Variants in TTC39B observed in about 807,000 individuals in gnomAD.
TTC39B encodes tetratricopeptide repeat protein 39B.
A neutral mutation model predicts 96.6 loss-of-function variants in TTC39B; 92 were observed. The observed-to-expected ratio is 0.95, with a 90% CI of 0.80 to 1.13. TTC39B has a LOEUF of 1.13. TTC39B is among the 50% of genes most tolerant of loss of function. The pLI is 0.00. For missense variants in TTC39B, 955 were observed against 809.3 expected (o/e 1.18, Z -2.18); for synonymous variants, 367 against 299.4 (o/e 1.23, Z -2.33).
intron 9 of TTC39B, among the ~76,000 whole-genome samples, chr9:15,191,538 G>C (rs1818857488): frequency 6.6e-6 from 1 of 152,178 alleles, no homozygotes; most frequent in Admixed American, 6.5e-5. Context: ...GTGACAAGAA[G>C]GTAACCCCTC....
chr9:15,203,981 A>T (rs1819696471), intron 6 of TTC39B, 91 bp from the exon 7 acceptor site: 1 of 1,210,704 alleles, frequency 8.3e-7, no homozygotes. Flanking sequence ...AGAAAAATGA[A>T]CCCAAGAGAG....
chr9:15,179,880 A>C (rs1043652122), intron 17 of TTC39B, among the ~76,000 whole-genome samples: 7 of 152,212 alleles, frequency 4.6e-5, no homozygotes, highest in Non-Finnish European at 1.5e-5. Context: ...ACTGGGTTCA[A>C]AAATACTATA....
chr9:15,200,516 G>C (rs1159058348), intron 7 of TTC39B, among the ~76,000 whole-genome samples: 1 of 152,184 alleles, frequency 6.6e-6, no homozygotes, highest in Non-Finnish European at 1.5e-5. Flanking sequence ...TTATCTGATT[G>C]TCATCGACCA....
exon 20 of TTC39B, chr9:15,169,264 G>A (rs998453950): frequency 6.6e-6 from 1 of 152,060 alleles, no homozygotes; most frequent in African/African-American, 2.4e-5. Context: ...TATATAACTT[G>A]GAAACTTCTT....
chr9:15,292,595 G>T (rs1438896246), intron 1 of TTC39B, among the ~76,000 whole-genome samples: 4 of 152,086 alleles, frequency 2.6e-5, no homozygotes, highest in Non-Finnish European at 5.9e-5. Flanking sequence ...TTCAGAAGAC[G>T]GCATTGTTGT....
exon 20 of TTC39B, chr9:15,167,580 C>T (rs1484962985): frequency 6.6e-6 from 1 of 152,068 alleles, no homozygotes; most frequent in East Asian, 1.9e-4. Context: ...TGGAGAAACC[C>T]CATCTCTACT....
At chr9:15,266,505 C>T (rs1823135988) in intron 2 of TTC39B, among the ~76,000 whole-genome samples, 1 of 152,042 alleles carries the variant, frequency 6.6e-6, no homozygotes, top group African/African-American at 2.4e-5. Context: ...AAGTAGGTAT[C>T]ATTTAAGTTG....
chr9:15,292,788 T>C (rs924613701), intron 1 of TTC39B, among the ~76,000 whole-genome samples: 1 of 152,230 alleles, frequency 6.6e-6, no homozygotes, highest in Non-Finnish European at 1.5e-5. Flanking sequence ...AAAGAAAATA[T>C]TTTGTATAGC....
chr9:15,262,966 G>A (rs951559191), intron 2 of TTC39B, among the ~76,000 whole-genome samples: 1 of 152,204 alleles, frequency 6.6e-6, no homozygotes, highest in Admixed American at 6.5e-5. Context: ...GAGGAAATGT[G>A]AGAAATATTG....
At chr9:15,185,791 C>T (rs4317675) in intron 15 of TTC39B, among the ~76,000 whole-genome samples, 101,248 of 151,690 alleles carry the variant, frequency 0.67, 34,743 homozygotes, top group East Asian at 0.9. Context: ...TATTTACTTA[C>T]GTTGTGGATA....
At position 15,273,065 on chromosome 9, in the gene TTC39B, G is replaced by C. The variant is rs147843359; in HGVS notation, c.241-5117C>G. On this transcript the variant is annotated intron_variant, in intron 1 of 19. Transcript: ENST00000512701. ...AAACAATTTCCATCTTAACTCGCTA[G>C]CTTTGTCATATTCTGAGTAGCAAAA... is the stretch of plus-strand genomic sequence containing the variant. 5.8e-3 allele frequency among the ~76,000 whole-genome samples: 887 copies of C among 152,298 alleles called. 10 individuals are homozygous for C. Among genetic ancestry groups the C allele is most frequent in the Non-Finnish European group, 6.7e-3 (454 of 68,016 alleles).
chr9:15,294,784 C>T (rs927876492), intron 1 of TTC39B, among the ~76,000 whole-genome samples: 4 of 152,238 alleles, frequency 2.6e-5, no homozygotes, highest in Non-Finnish European at 5.9e-5. Context: ...CCAATCTTTA[C>T]ACAATGCCTG....
rs573440128 is a variant in TTC39B at position 15,233,530 on chromosome 9, A to G, written c.276-7518T>C. Among the ~76,000 whole-genome samples, 17 of 149,818 alleles carry G rather than the reference A, an allele frequency of 1.1e-4. 1 individual carries two copies. The South Asian group carries it at 3.6e-3, about 32-fold the overall frequency. ...GCCGCCACGCCTGACTGGTTTTCGT[A>G]TTTTTTTGGTGGAGACGGGGTTTCG... is the stretch of plus-strand genomic sequence containing the variant. On this transcript the variant is annotated intron_variant, in intron 2 of 19. Coordinates refer to ENST00000512701, the Ensembl canonical transcript of TTC39B.
At chr9:15,255,701 G>A (rs377290502) in intron 2 of TTC39B, among the ~76,000 whole-genome samples, 1 of 152,134 alleles carries the variant, frequency 6.6e-6, no homozygotes, top group Non-Finnish European at 1.5e-5. Context: ...AGTGAAAACT[G>A]AGTCAGCCCT....
At chr9:15,291,714 C>A (rs1824195698) in intron 1 of TTC39B, among the ~76,000 whole-genome samples, 1 of 152,072 alleles carries the variant, frequency 6.6e-6, no homozygotes, top group South Asian at 2.1e-4. Context: ...AAGGGACCGT[C>A]ACTGGATCCA....
intron 3 of TTC39B, among the ~76,000 whole-genome samples, chr9:15,222,704 T>C (rs887991540): frequency 2.0e-5 from 3 of 152,194 alleles, no homozygotes; most frequent in Non-Finnish European, 4.4e-5. Context: ...CTGACATATC[T>C]AGGCTTGGTA....
At chr9:15,212,838 T>C (rs1820286986) in intron 4 of TTC39B, among the ~76,000 whole-genome samples, 1 of 152,120 alleles carries the variant, frequency 6.6e-6, no homozygotes, top group African/African-American at 2.4e-5. Context: ...CTCGTTTGAA[T>C]AAAAATCAAA....
At position 15,220,072 on chromosome 9, in the gene TTC39B, G is replaced by A. The variant is rs143276986; in HGVS notation, c.372-5823C>T. Among the ~76,000 whole-genome samples, 606 of 152,284 alleles carry A rather than the reference G, an allele frequency of 4.0e-3. 4 individuals carry two copies. Among genetic ancestry groups the A allele is most frequent in the African/African-American group, 0.013 (551 of 41,562 alleles). On this transcript the variant is annotated intron_variant, in intron 3 of 19. Transcript: ENST00000512701. The stretch of plus-strand genomic sequence containing the variant: ...CAAAAAGGAACCTTTTTTCCAAAGT[G>A]AGAACTAAACACTTAGAATCTGTAT...
chr9:15,302,767 C>T (rs977163297), intron 1 of TTC39B, among the ~76,000 whole-genome samples: 5 of 151,852 alleles, frequency 3.3e-5, no homozygotes, highest in African/African-American at 9.7e-5. Context: ...TCGCTTGAAC[C>T]CGGGAGGCGG....
Sources: gnomAD v4.1 joint callset for allele counts (sites outside exome capture counted in the v4.1 genomes callset) on GRCh38, gnomAD v4.1.1 for gene constraint, MANE v1.5 for transcripts, NCBI Gene and HGNC (gene_info 2026-07-23, HGNC 2026-07-21) for gene names.